KAT7: variants seen among roughly 807,000 people sequenced by gnomAD.
The protein encoded by KAT7 is histone acetyltransferase KAT7.
A neutral mutation model predicts 82.1 loss-of-function variants in KAT7; 10 were observed. The observed-to-expected ratio is 0.12, with a 90% CI of 0.08 to 0.21. The LOEUF (loss-of-function observed/expected upper bound fraction) is 0.21, where lower values mean the gene tolerates loss of function less well. KAT7 is among the 10% of genes least tolerant of loss of function. The pLI is 1.00. For synonymous variants in KAT7, 250 were observed against 262.5 expected, an observed-to-expected ratio of 0.95 and a Z score of 0.46; for missense variants, 378 against 760.9, an observed-to-expected ratio of 0.50 and a Z score of 5.92.
At chr17:49,796,253 A>G (rs765058742) in intron 2 of KAT7, among the ~76,000 whole-genome samples, 2 of 152,222 alleles carry the variant, frequency 1.3e-5, no homozygotes, top group African/African-American at 2.4e-5. Flanking sequence ...GTTTGTTGTT[A>G]TATCTTTGGT....
intron 12 of KAT7, 39 bp from the exon 13 acceptor site, chr17:49,825,961 G>A (rs200258607): frequency 5.5e-5 from 88 of 1,585,912 alleles, no homozygotes; most frequent in Middle Eastern, 2.1e-4. Context: ...GGATAAGATC[G>A]AGTGTTGCTA....
intron 9 of KAT7, among the ~76,000 whole-genome samples, chr17:49,819,004 T>C (rs961208379): frequency 3.3e-5 from 5 of 152,214 alleles, no homozygotes; most frequent in Non-Finnish European, 5.9e-5. Flanking sequence ...CCCAAAGTGC[T>C]GGGATTACAG....
chr17:49,796,673 T>C, intron 2 of KAT7, 77 bp from the exon 3 acceptor site: 7 of 1,149,152 alleles, frequency 6.1e-6, no homozygotes, highest in Non-Finnish European at 8.6e-6. Context: ...AGGAGCGATA[T>C]TCTGATAAAT....
chr17:49,801,181 ATTTG>A (rs2074019894), intron 4 of KAT7, among the ~76,000 whole-genome samples: 1 of 152,086 alleles, frequency 6.6e-6, no homozygotes, highest in Non-Finnish European at 1.5e-5. Flanking sequence ...GTTTACTTGT[ATTTG>A]TTTATTTATT....
At position 49,826,064 on chromosome 17, in the gene KAT7, G is replaced by C; in HGVS notation, c.1545G>C (p.Gly515=). ...CAGAACGTCCACTCTCAGATCTGGG[G>C]CTTATAAGCTATCGCAGTTACTGGA... ...GSPERPLSDL[G]LISYRSYWKE... The change falls in exon 13 of 15, where the codon GGG becomes GGC. Residue 515 remains glycine, a synonymous_variant. Coordinates refer to ENST00000259021, the MANE Select transcript of KAT7 (RefSeq NM_007067.5). The C allele has an allele frequency of 6.2e-7, 1 of 1,613,816 alleles. No individual in the cohort carries two copies. The highest frequency in any genetic ancestry group is 1.1e-5 in the South Asian group (1 of 91,070).
intron 7 of KAT7, among the ~76,000 whole-genome samples, chr17:49,812,947 C>G (rs189611491): frequency 3.4e-4 from 51 of 151,652 alleles, no homozygotes; most frequent in Non-Finnish European, 2.9e-4. Flanking sequence ...GTGATCCACC[C>G]GCCTCGGCCT....
chr17:49,804,240 G>A (rs922488687), intron 4 of KAT7, among the ~76,000 whole-genome samples: 2 of 152,038 alleles, frequency 1.3e-5, no homozygotes, highest in African/African-American at 2.4e-5. Context: ...TTAGCCGGGC[G>A]TGGCGGCAGG....
Position 49,834,534 on chromosome 17 carries a change from C to T in KAT7, c.*7032C>T, listed in dbSNP as rs1048638409. ...CTCAATGGATTAAGTTCATGTTTAT[C>T]CTGGCTTTCAAGTCTTTCCGTAAGC... On this transcript the variant is annotated 3_prime_UTR_variant, in exon 15 of 15. Transcript: ENST00000259021. The T allele has an allele frequency of 1.3e-5, 2 of 152,224 alleles. No individual in the cohort carries two copies. Among genetic ancestry groups the T allele is most frequent in the African/African-American group, 4.8e-5 (2 of 41,442 alleles). 9.4% of individuals were successfully genotyped at this position (152,224 alleles called of 1,614,324 possible).
chr17:49,798,979 G>A (rs1273810888), intron 4 of KAT7, among the ~76,000 whole-genome samples: 1 of 152,216 alleles, frequency 6.6e-6, no homozygotes, highest in South Asian at 2.1e-4. Context: ...CTGTCAAGAG[G>A]CTGTGAAATT....
rs375705520 is a variant in KAT7 at position 49,812,967 on chromosome 17, C to G, written c.852+1393C>G. Among the ~76,000 whole-genome samples, 113 of 143,178 alleles carry G rather than the reference C, an allele frequency of 7.9e-4. 1 individual carries two copies. The East Asian group carries it at 0.019, about 24-fold the overall frequency. The allele number at this position is 143,178 out of a possible 152,430, so 93.9% of individuals were successfully genotyped here. On this transcript the variant is annotated intron_variant, in intron 7 of 14. Coordinates refer to ENST00000259021, the MANE Select transcript of KAT7 (RefSeq NM_007067.5). ...CCACCCGCCTCGGCCTCCCGAAGTG[C>G]TGGGATTATAGGCATGAGCCACTGC... is the stretch of plus-strand genomic sequence containing the variant.
At chr17:49,800,268 C>T (rs1165875075) in intron 4 of KAT7, among the ~76,000 whole-genome samples, 2 of 152,096 alleles carry the variant, frequency 1.3e-5, no homozygotes, top group African/African-American at 4.8e-5. Context: ...GCCTTGGCCT[C>T]CCAAAGTGCT....
chr17:49,809,309 G>T, intron 6 of KAT7, 101 bp downstream of exon 6: 3 of 775,918 alleles, frequency 3.9e-6, no homozygotes, highest in Non-Finnish European at 6.5e-6. Context: ...CATTTCCTGT[G>T]GTATATCTTC....
chr17:49,825,707 T>C (rs1390189919), intron 12 of KAT7, among the ~76,000 whole-genome samples: 4 of 152,248 alleles, frequency 2.6e-5, no homozygotes, highest in Non-Finnish European at 4.4e-5. Context: ...ATACATAGTA[T>C]ATATAGGATT....
rs767303949 is a variant in KAT7, at chr17:49,826,104, C to T, written c.1585C>T (p.Arg529Cys). ...YRSYWKEVLL[R>C]YLHNFQGKEI... The stretch of plus-strand genomic sequence containing the variant: ...CAGTTACTGGAAAGAAGTACTTCTC[C>T]GCTACCTGCATAATTTTCAAGGCAA... The change falls in exon 13 of 15, where the codon CGC (arginine) becomes TGC (cysteine). Residue 529 changes from arginine (R) to cysteine (C), a missense_variant. Around this residue, in one of 6 missense-constraint regions of KAT7, gnomAD observed 44 missense variants for 102.2 expected, o/e 0.43. Transcript: ENST00000259021. 1.2e-6 allele frequency: 2 copies of T among 1,613,892 alleles called. No individual in the cohort carries two copies. The highest frequency in any genetic ancestry group is 2.2e-5 in the East Asian group (1 of 44,884).
At chr17:49,803,771 A>G (rs1173839145) in intron 4 of KAT7, among the ~76,000 whole-genome samples, 2 of 152,124 alleles carry the variant, frequency 1.3e-5, no homozygotes, top group African/African-American at 2.4e-5. Flanking sequence ...GATGGCCTGA[A>G]TGTCCTAAAA....
At position 49,800,382 on chromosome 17, in the gene KAT7, A is replaced by G. The variant is rs1347850525; in HGVS notation, c.580+1824A>G. 2.6e-5 allele frequency among the ~76,000 whole-genome samples: 4 copies of G among 151,844 alleles called. No individual in the cohort carries two copies. The East Asian group carries it at 7.7e-4, about 29-fold the overall frequency. ...AATAAATACAGCAAAGTTGTCTTGA[A>G]CTCCATACCAGTTGTCACTCGAAGA... On this transcript the variant is annotated intron_variant, in intron 4 of 14. Coordinates refer to ENST00000259021, the MANE Select transcript of KAT7 (RefSeq NM_007067.5).
chr17:49,806,161 A>G (rs1324284958), intron 5 of KAT7, among the ~76,000 whole-genome samples: 5 of 152,156 alleles, frequency 3.3e-5, no homozygotes, highest in African/African-American at 7.2e-5. Context: ...AGACCAAAGT[A>G]TTATTGTTGT....
At chr17:49,792,642 A>G (rs1438217335) in intron 2 of KAT7, among the ~76,000 whole-genome samples, 1 of 151,882 alleles carries the variant, frequency 6.6e-6, no homozygotes, top group Non-Finnish European at 1.5e-5. Flanking sequence ...GTAAACCAGT[A>G]CTCTTCAGTG....
At position 49,817,808 on chromosome 17, in the gene KAT7, T is replaced by G. The variant is rs752931871; in HGVS notation, c.964-12T>G. 6.2e-7 allele frequency: 1 copy of G among 1,608,468 alleles called. No homozygotes were observed. The highest frequency in any genetic ancestry group is 1.1e-5 in the South Asian group (1 of 90,892). ...TCTGATCCTCCTTTGACTTTTGATT[T>G]CTTGGCAATAGGAGAAGTTAAGGCT... On this transcript the variant is annotated splice_polypyrimidine_tract_variant and intron_variant, in intron 8 of 14. Coordinates refer to ENST00000259021, the MANE Select transcript of KAT7 (RefSeq NM_007067.5).
Sources: allele counts gnomAD v4.1 joint callset (sites outside exome capture counted in the v4.1 genomes callset), GRCh38; gene constraint gnomAD v4.1.1; regional missense constraint gnomAD v4.1.1; transcripts MANE v1.5; gene names NCBI Gene and HGNC (gene_info 2026-07-23, HGNC 2026-07-21).